The following KIDINS220 variants were observed in gnomAD, a reference collection of about 807,000 sequenced individuals.
The protein encoded by KIDINS220 is kinase D interacting substrate 220.
KIDINS220 carries 63 observed loss-of-function variants against 157.6 expected under a neutral mutation model. That is an observed-to-expected ratio of 0.40 (90% confidence interval 0.33 to 0.49). The LOEUF (loss-of-function observed/expected upper bound fraction) is 0.49, where lower values mean the gene tolerates loss of function less well. Among genes scored for constraint, KIDINS220 ranks in the 20% least tolerant of loss-of-function variants. KIDINS220 has a pLI of 0.66. For synonymous variants in KIDINS220, 732 were observed against 783.6 expected (o/e 0.93, Z 1.10); for missense variants, 1,772 against 2,171.2 (o/e 0.82, Z 3.65).
intron 8 of KIDINS220, 26 bp downstream of exon 8, chr2:8,802,904 A>T (rs1674919718): frequency 1.3e-6 from 2 of 1,599,940 alleles, no homozygotes; most frequent in East Asian, 4.5e-5. Flanking sequence ...CACCACTAGG[A>T]GACAAATGTG....
chr2:8,807,286 A>C (rs1027234990), intron 6 of KIDINS220, among the ~76,000 whole-genome samples: 1 of 152,188 alleles, frequency 6.6e-6, no homozygotes, highest in Non-Finnish European at 1.5e-5. Context: ...CATTAGCCAC[A>C]TTGCCTGCCT....
At chr2:8,749,758 T>C (rs191569739) in intron 24 of KIDINS220, among the ~76,000 whole-genome samples, 3 of 152,202 alleles carry the variant, frequency 2.0e-5, no homozygotes, top group Non-Finnish European at 2.9e-5. Context: ...TAAATGCCAA[T>C]ATAAACTATT....
intron 11 of KIDINS220, 97 bp downstream of exon 11, chr2:8,796,674 C>T (rs1673978412): frequency 2.1e-6 from 2 of 933,540 alleles, no homozygotes; most frequent in Admixed American, 3.5e-5. Context: ...TCTCTCCCCA[C>T]ACAACCTAAA....
rs2148206477 is a variant in KIDINS220, at chr2:8,778,741, T to C, written c.2615-14A>G. Reference sequence around the variant, plus strand: ...CTTCCTGTATCCCTTAAATAATTTATCAAGACAGCATCACTTACACCAAAA... The same window carrying C: ...CTTCCTGTATCCCTTAAATAATTTACCAAGACAGCATCACTTACACCAAAA... On this transcript the variant is annotated splice_polypyrimidine_tract_variant and intron_variant, in intron 19 of 29. Coordinates refer to ENST00000256707, the MANE Select transcript of KIDINS220 (RefSeq NM_020738.4). 6.2e-7 allele frequency: 1 copy of C among 1,609,512 alleles called. No homozygotes were observed.
chr2:8,817,814 C>A, intron 3 of KIDINS220, 98 bp from the exon 4 acceptor site: 1 of 767,954 alleles, frequency 1.3e-6, no homozygotes, highest in South Asian at 2.0e-5. Flanking sequence ...ATGATCATAC[C>A]AAGTTGACAT....
At chr2:8,767,980 G>A (rs1347935252) in intron 22 of KIDINS220, among the ~76,000 whole-genome samples, 1 of 152,098 alleles carries the variant, frequency 6.6e-6, no homozygotes, top group Non-Finnish European at 1.5e-5. Flanking sequence ...AATAAAGAAT[G>A]TTGTTATCCT....
Position 8,786,310 on chromosome 2 carries a change from G to C in KIDINS220, c.1835C>G (p.Thr612Ser). 6.2e-7 allele frequency: 1 copy of C among 1,613,976 alleles called. No homozygotes were observed. Among genetic ancestry groups the C allele is most frequent in the Non-Finnish European group, 8.5e-7 (1 of 1,179,934 alleles). The change falls in exon 16 of 30, where the codon ACT (threonine) becomes AGT (serine). Residue 612 changes from threonine to serine, a missense_variant. Thr to Ser is a moderately conservative substitution (Grantham distance 58). Transcript: ENST00000256707. ...GGTTGCAATCATTTCAGCCAGAGAA[G>C]TTTCTCCACCTACACTGGACAGTCT... is the stretch of plus-strand genomic sequence containing the variant. ...YNRLSSVGGE[T>S]SLAEMIATLS...
downstream of KIDINS220, chr2:8,724,667 C>A (rs1023357895): frequency 2.6e-5 from 4 of 152,182 alleles, no homozygotes; most frequent in African/African-American, 7.2e-5. The surrounding 1 kb of genome is among the most constrained non-coding windows in gnomAD (Gnocchi z 4.6). Context: ...CACCCTGTAA[C>A]CCAGGCTGGA....
intron 27 of KIDINS220, among the ~76,000 whole-genome samples, chr2:8,735,430 G>A (rs1310693718): frequency 6.6e-6 from 1 of 152,162 alleles, no homozygotes; most frequent in East Asian, 1.9e-4. Flanking sequence ...TACTTGGGAG[G>A]CTGAGGCAGG....
intron 21 of KIDINS220, among the ~76,000 whole-genome samples, chr2:8,775,826 T>TCTCA (rs1670891828): frequency 1.3e-5 from 2 of 152,136 alleles, no homozygotes; most frequent in Non-Finnish European, 2.9e-5. Flanking sequence ...GGGAAGGCCA[T>TCTCA]CTCCTGTTTA....
At chr2:8,807,163 A>T (rs1675565236) in intron 6 of KIDINS220, among the ~76,000 whole-genome samples, 1 of 152,200 alleles carries the variant, frequency 6.6e-6, no homozygotes, top group South Asian at 2.1e-4. Flanking sequence ...TTCATAGGCA[A>T]AGGTCACAAA....
chr2:8,809,626 G>A (rs899390406), intron 6 of KIDINS220, among the ~76,000 whole-genome samples: 5 of 150,972 alleles, frequency 3.3e-5, no homozygotes, highest in African/African-American at 1.2e-4. Context: ...GGCAAGCCCT[G>A]GATCACCGGC....
At chr2:8,803,330 A>T (rs905042607) in intron 7 of KIDINS220, among the ~76,000 whole-genome samples, 6 of 152,212 alleles carry the variant, frequency 3.9e-5, no homozygotes, top group African/African-American at 1.4e-4. Context: ...TGTTTTTGAA[A>T]ATACATTAAT....
At chr2:8,756,623 T>A (rs1288927719) in intron 22 of KIDINS220, among the ~76,000 whole-genome samples, 1 of 152,210 alleles carries the variant, frequency 6.6e-6, no homozygotes, top group Non-Finnish European at 1.5e-5. Flanking sequence ...CAGGTTCTGG[T>A]AAGGGCCTTC....
chr2:8,753,057 T>A (rs1667571898), intron 22 of KIDINS220, among the ~76,000 whole-genome samples: 1 of 151,964 alleles, frequency 6.6e-6, no homozygotes. Context: ...CAATTCCTGA[T>A]CTAAGGCAGT....
chr2:8,752,567 C>A (rs1667512604), intron 22 of KIDINS220, among the ~76,000 whole-genome samples: 1 of 152,098 alleles, frequency 6.6e-6, no homozygotes, highest in South Asian at 2.1e-4. Context: ...TGGCCTCAGA[C>A]AAATTAAACA....
chr2:8,730,204 G>C lies in KIDINS220; in HGVS notation c.*516C>G. ...AACCTCTGTGATAAGCAATACCCCT[G>C]CCATACAGAACGCTGGATCTCGGTT... On this transcript the variant is annotated 3_prime_UTR_variant, in exon 30 of 30. Coordinates refer to ENST00000256707, the MANE Select transcript of KIDINS220 (RefSeq NM_020738.4). 1 of 987,168 alleles carries C rather than the reference G, an allele frequency of 1.0e-6. No individual in the cohort carries two copies. The highest frequency in any genetic ancestry group is 1.7e-5 in the African/African-American group (1 of 57,300). The allele number at this position is 987,168 out of a possible 1,614,324, so 61.2% of individuals were successfully genotyped here.
At chr2:8,800,865 T>C (rs1418338936) in intron 8 of KIDINS220, among the ~76,000 whole-genome samples, 1 of 152,174 alleles carries the variant, frequency 6.6e-6, no homozygotes, top group Non-Finnish European at 1.5e-5. Flanking sequence ...TAAAATCATA[T>C]AGTAAAAATA....
In KIDINS220 at chr2:8,731,492, C is replaced by T. The variant is rs375231110; in HGVS notation, c.4544G>A (p.Arg1515His). Residue 1515 changes from arginine to histidine, a missense_variant, in exon 30 of 30, where the codon CGC (arginine) becomes CAC (histidine). Transcript: ENST00000256707. This position sits in a 1 kb window ranked among gnomAD's most constrained non-coding sequence, Gnocchi z 5.2. ...TDLKLKGSGL[R>H]YQKLPSDEDE... The stretch of plus-strand genomic sequence containing the variant: ...CTCGTCACTTGGGAGTTTTTGATAG[C>T]GCAGCCCACTTCCCTTAAGCTTCAA... 3.2e-5 allele frequency: 52 copies of T among 1,614,008 alleles called. No individual in the cohort carries two copies. The highest frequency in any genetic ancestry group is 4.4e-5 in the South Asian group (4 of 91,082).
Sources: allele counts gnomAD v4.1 joint callset (sites outside exome capture counted in the v4.1 genomes callset), GRCh38; gene constraint gnomAD v4.1.1; non-coding constraint Gnocchi (gnomAD v3.1); transcripts MANE v1.5; gene names NCBI Gene and HGNC (gene_info 2026-07-23, HGNC 2026-07-21).